DNASE1: variants seen among roughly 807,000 people sequenced by gnomAD.
DNASE1 encodes the protein deoxyribonuclease 1, also known as deoxyribonuclease-1.
Under a neutral mutation model 33.9 loss-of-function variants are expected in DNASE1, and 40 were observed. The observed-to-expected ratio is 1.18, with a 90% confidence interval of 0.92 to 1.54. The LOEUF (loss-of-function observed/expected upper bound fraction) is 1.54. Among genes scored for constraint, DNASE1 ranks in the 40% most tolerant of loss-of-function variants. The pLI is 0.00. For missense variants in DNASE1, 518 were observed against 372.6 expected (o/e 1.39, Z -3.21); for synonymous variants, 216 against 160.0 (o/e 1.35, Z -2.64).
Position 3,655,384 on chromosome 16 carries a change from T to G in DNASE1, c.11T>G (p.Met4Arg), listed in dbSNP as rs2042533702. 1 of 1,614,036 alleles carries G rather than the reference T, an allele frequency of 6.2e-7. No homozygotes were observed. Among genetic ancestry groups the G allele is most frequent in the Non-Finnish European group, 8.5e-7 (1 of 1,180,036 alleles). ...CTGTGCTCTCCCAGGATGAGGGGCA[T>G]GAAGCTGCTGGGGGCGCTGCTGGCA... MRGMKLLGALLALA... is the reference protein window; with the variant it reads MRGRKLLGALLALA... Residue 4 changes from methionine to arginine, a missense_variant, in exon 2 of 9, where the codon ATG (methionine) becomes AGG (arginine). By Grantham distance (91) the Met-to-Arg change is moderately conservative. Transcript: ENST00000246949.
downstream of DNASE1, chr16:3,658,116 G>T (rs762583982): frequency 6.2e-7 from 1 of 1,613,376 alleles, no homozygotes; most frequent in Non-Finnish European, 8.5e-7. Context: ...CAGTCCTTCT[G>T]GCCCCCTGGC....
At chr16:3,664,642 C>T (rs2050785941) in exon 10 of DNASE1, 1 of 627,446 alleles carries the variant, frequency 1.6e-6, no homozygotes, top group African/African-American at 1.9e-5. Context: ...CATCAGGCCC[C>T]TTTTGGGAGC....
At chr16:3,622,393 G>A (rs2041353515) in intron 1 of DNASE1, among the ~76,000 whole-genome samples, 1 of 152,050 alleles carries the variant, frequency 6.6e-6, no homozygotes, top group Admixed American at 6.6e-5. Context: ...TTGAGGAAAC[G>A]AGTATTTTCT....
chr16:3,645,287 T>G (rs1290951409), intron 1 of DNASE1, among the ~76,000 whole-genome samples: 1 of 152,204 alleles, frequency 6.6e-6, no homozygotes, highest in Non-Finnish European at 1.5e-5. Context: ...GGGGCCCTGC[T>G]GAGAAGGCCT....
chr16:3,636,515 T>G (rs1195982016), intron 1 of DNASE1, among the ~76,000 whole-genome samples: 1 of 152,198 alleles, frequency 6.6e-6, no homozygotes, highest in African/African-American at 2.4e-5. Flanking sequence ...CCGGACTTGA[T>G]GTACTTGTTA....
chr16:3,634,480 G>A (rs560557026), intron 1 of DNASE1, among the ~76,000 whole-genome samples: 19 of 151,710 alleles, frequency 1.3e-4, no homozygotes, highest in Admixed American at 1.2e-3. Flanking sequence ...TGCCCACCTC[G>A]GCCTCCCAAA....
upstream of DNASE1, chr16:3,654,316 G>A (rs550993917): frequency 4.0e-5 from 16 of 398,530 alleles, no homozygotes; most frequent in Non-Finnish European, 4.9e-5. Context: ...CTGGCCCCAC[G>A]GCGCTGGTGC....
intron 1 of DNASE1, among the ~76,000 whole-genome samples, chr16:3,616,545 C>G (rs1184444866): frequency 3.3e-5 from 5 of 151,876 alleles, no homozygotes; most frequent in Non-Finnish European, 7.4e-5. Flanking sequence ...CCCTTGAACC[C>G]AGGAGATGGA....
At chr16:3,652,379 G>C (rs181876710), upstream of DNASE1, 1 of 152,468 alleles carries the variant, frequency 6.6e-6, no homozygotes, top group South Asian at 2.1e-4. Context: ...CCTTCCCCGT[G>C]ATGGGTCGCT....
chr16:3,656,064 GGCCCCCGCCACT>G, intron 3 of DNASE1, 26 bp from the exon 4 acceptor site: 1 of 1,612,916 alleles, frequency 6.2e-7, no homozygotes, highest in Non-Finnish European at 8.5e-7. Context: ...GGTCCCCTAT[GGCCCCCGCCACT>G]GGGACCTTTT....
downstream of DNASE1, chr16:3,661,011 G>C (rs2043044719): frequency 1.3e-5 from 2 of 151,986 alleles, no homozygotes; most frequent in South Asian, 4.2e-4. Flanking sequence ...TCTATTTTTG[G>C]TAACATGTTT....
intron 1 of DNASE1, among the ~76,000 whole-genome samples, chr16:3,620,890 C>T (rs577309779): frequency 1.3e-5 from 2 of 151,890 alleles, no homozygotes; most frequent in African/African-American, 2.4e-5. Context: ...AACCTCCGCT[C>T]CCCAGGTTCA....
At chr16:3,638,402 A>G (rs113086099), upstream of DNASE1, among the ~76,000 whole-genome samples, 5 of 152,120 alleles carry the variant, frequency 3.3e-5, no homozygotes, top group Admixed American at 6.5e-5. Context: ...CAGTGGCGCA[A>G]TCTTGGCTCA....
chr16:3,645,766 C>G (rs1369841547), intron 1 of DNASE1, among the ~76,000 whole-genome samples: 2 of 152,178 alleles, frequency 1.3e-5, no homozygotes, highest in Non-Finnish European at 2.9e-5. Flanking sequence ...GTGTGGTGAT[C>G]TGAGAAATTT....
intron 1 of DNASE1, among the ~76,000 whole-genome samples, chr16:3,645,641 G>T (rs1462098736): frequency 6.6e-6 from 1 of 152,236 alleles, no homozygotes; most frequent in Non-Finnish European, 1.5e-5. Context: ...CCTCGTGGAA[G>T]GCAGAAGGCG....
chr16:3,631,063 C>T (rs1396484292), intron 1 of DNASE1, among the ~76,000 whole-genome samples: 1 of 152,066 alleles, frequency 6.6e-6, no homozygotes. Flanking sequence ...TTTGCTGTCA[C>T]CCAGGCTGGA....
intron 5 of DNASE1, 85 bp downstream of exon 5, chr16:3,656,838 AC>A: frequency 6.5e-7 from 1 of 1,542,326 alleles, no homozygotes; most frequent in African/African-American, 1.4e-5. Flanking sequence ...TGCCTGTGTC[AC>A]ACACTGCCCT....
chr16:3,656,861 G>A, intron 5 of DNASE1, 108 bp downstream of exon 5: 1 of 1,543,516 alleles, frequency 6.5e-7, no homozygotes, highest in Non-Finnish European at 8.7e-7. Flanking sequence ...CCAGTCCCTG[G>A]GGCTTGGGTT....
intron 1 of DNASE1, among the ~76,000 whole-genome samples, chr16:3,623,787 C>T (rs975554727): frequency 7.9e-5 from 12 of 151,832 alleles, no homozygotes; most frequent in Admixed American, 4.6e-4. Context: ...GACATACAAG[C>T]GGCAAAGAAA....
Sources: allele counts gnomAD v4.1 joint callset (sites outside exome capture counted in the v4.1 genomes callset), GRCh38; gene constraint gnomAD v4.1.1; transcripts MANE v1.5; gene names NCBI Gene and HGNC (gene_info 2026-07-23, HGNC 2026-07-21).